The following CACNA1B variants were observed in gnomAD, a reference collection of about 807,000 sequenced individuals.
The protein encoded by CACNA1B is voltage-dependent N-type calcium channel subunit alpha-1B.
A neutral mutation model predicts 247.2 loss-of-function variants in CACNA1B; 70 were observed. That is an observed-to-expected ratio of 0.28 (90% CI 0.23 to 0.35). The LOEUF is 0.35. Among genes scored for constraint, CACNA1B ranks in the 10% least tolerant of loss-of-function variants. The pLI, the probability that CACNA1B is intolerant of heterozygous loss-of-function variation, is 1.00. For synonymous variants in CACNA1B, 1,231 were observed against 1,294.4 expected, an observed-to-expected ratio of 0.95 and a Z score of 1.05; for missense variants, 2,367 against 3,197.4, an observed-to-expected ratio of 0.74 and a Z score of 6.26.
In CACNA1B at chr9:138,122,102, C is replaced by T. The variant is rs935702918; in HGVS notation, c.*103C>T. ...AGCCGGCCCTCGGGGGAGGCCTTGC[C>T]CACCTTGGTGAGGCTCCTGTGGCCC... On this transcript the variant is annotated 3_prime_UTR_variant, in exon 47 of 47. Transcript: ENST00000371372. The T allele has an allele frequency of 9.1e-7, 1 of 1,104,642 alleles. No individual in the cohort carries two copies. Among genetic ancestry groups the T allele is most frequent in the African/African-American group, 1.6e-5 (1 of 63,798 alleles). The allele number at this position is 1,104,642 out of a possible 1,614,324, so 68.4% of individuals were successfully genotyped here.
intron 31 of CACNA1B, among the ~76,000 whole-genome samples, chr9:138,061,462 C>T (rs932047152): frequency 3.3e-5 from 5 of 152,198 alleles, no homozygotes; most frequent in East Asian, 3.8e-4. Flanking sequence ...CCAGTACCAT[C>T]GATTGGCCGT....
intron 6 of CACNA1B, among the ~76,000 whole-genome samples, chr9:137,947,017 G>A (rs1957804841): frequency 6.6e-6 from 1 of 152,212 alleles, no homozygotes; most frequent in Admixed American, 6.5e-5. Flanking sequence ...CAGAGTGGGA[G>A]TGGGCTCAAA....
At chr9:138,101,726 A>G (rs1251559697) in intron 37 of CACNA1B, among the ~76,000 whole-genome samples, 6 of 152,200 alleles carry the variant, frequency 3.9e-5, no homozygotes, top group Non-Finnish European at 7.4e-5. Context: ...CAGCTCAGCC[A>G]AGGAGCCCCT....
At chr9:138,017,170 C>T (rs765842519) in intron 18 of CACNA1B, 20 of 518,968 alleles carry the variant, frequency 3.9e-5, no homozygotes, top group Non-Finnish European at 6.5e-5. Context: ...TACTGTATCT[C>T]GCAGCTCATC....
Position 138,059,786 on chromosome 9 carries a change from C to G in CACNA1B, c.4668+49C>G. 1 of 1,045,534 alleles carries G rather than the reference C, an allele frequency of 9.6e-7. No individual in the cohort carries two copies. Among genetic ancestry groups the G allele is most frequent in the Non-Finnish European group, 1.5e-6 (1 of 663,186 alleles). 64.8% of individuals were successfully genotyped at this position (1,045,534 alleles called of 1,614,324 possible). A position where few individuals can be genotyped will look rare whatever the true frequency, so the allele number is the denominator to read the frequency against. ...TTCAGGGTCCCCAGGTGGTTTCCTT[C>G]TAGAGCCTGCTCCCCTCAGTGCATC... On this transcript the variant is annotated intron_variant, in intron 31 of 46. Coordinates refer to ENST00000371372, the MANE Select transcript of CACNA1B (RefSeq NM_000718.4). The surrounding 1 kb of genome is among the most constrained non-coding windows in gnomAD (Gnocchi z 4.2).
At chr9:138,104,508 A>G (rs1420332313) in intron 38 of CACNA1B, among the ~76,000 whole-genome samples, 1 of 152,236 alleles carries the variant, frequency 6.6e-6, no homozygotes, top group Non-Finnish European at 1.5e-5. Context: ...CATGCTGTGC[A>G]AAGCCCTGGG....
chr9:138,114,239 C>A, intron 40 of CACNA1B, 139 bp from the exon 41 acceptor site: 1 of 605,224 alleles, frequency 1.7e-6, no homozygotes. Context: ...TGCCTGAGAG[C>A]CCTCTGTCCC....
Position 138,120,705 on chromosome 9 carries a change from C to A in CACNA1B, c.6313C>A (p.Arg2105=). The A allele has an allele frequency of 6.6e-7, 1 of 1,520,806 alleles. No homozygotes were observed. Among genetic ancestry groups the A allele is most frequent in the Non-Finnish European group, 8.8e-7 (1 of 1,138,622 alleles). 94.2% of individuals were successfully genotyped at this position (1,520,806 alleles called of 1,614,324 possible). ...PTGCRRERER[R]QERGRSQERR... ...AGGCTGCCGGCGGGAACGAGAGCGC[C>A]GGCAGGAGCGGGGCCGGTCCCAGGA... is the stretch of plus-strand genomic sequence containing the variant. The change falls in exon 46 of 47, where the codon CGG becomes AGG. Residue 2105 remains arginine (R), a synonymous_variant. Transcript: ENST00000371372.
chr9:138,058,480 G>A lies in CACNA1B; in HGVS notation c.4309-89G>A. ...GTCTTCTGTTGTCAGGGCTCCCTGT[G>A]AGGCCTGGCGAGACAGGGCTGGGTG... On this transcript the variant is annotated intron_variant, in intron 28 of 46. Coordinates refer to ENST00000371372, the MANE Select transcript of CACNA1B (RefSeq NM_000718.4). The surrounding 1 kb of genome is among the most constrained non-coding windows in gnomAD (Gnocchi z 4.7). 1 of 1,237,684 alleles carries A rather than the reference G, an allele frequency of 8.1e-7. No individual in the cohort carries two copies. Among genetic ancestry groups the A allele is most frequent in the Non-Finnish European group, 1.1e-6 (1 of 882,726 alleles). The allele number at this position is 1,237,684 out of a possible 1,614,324, so 76.7% of individuals were successfully genotyped here.
intron 36 of CACNA1B, among the ~76,000 whole-genome samples, chr9:138,080,628 G>A (rs1960495038): frequency 6.6e-6 from 1 of 152,146 alleles, no homozygotes; most frequent in Non-Finnish European, 1.5e-5. Flanking sequence ...AATAGAAGTG[G>A]AGACAAAAAC....
At chr9:137,926,658 G>T (rs1428319028) in intron 6 of CACNA1B, among the ~76,000 whole-genome samples, 2 of 152,158 alleles carry the variant, frequency 1.3e-5, no homozygotes, top group Non-Finnish European at 2.9e-5. Flanking sequence ...CTTTTGGTGG[G>T]AATACACATG....
chr9:138,030,796 C>G (rs551444374), intron 20 of CACNA1B, among the ~76,000 whole-genome samples: 9 of 152,182 alleles, frequency 5.9e-5, no homozygotes, highest in African/African-American at 2.2e-4. Flanking sequence ...GTAGTTTGTG[C>G]TTTATGAGGA....
chr9:138,066,711 A>G (rs1959930864), intron 31 of CACNA1B, among the ~76,000 whole-genome samples: 1 of 152,264 alleles, frequency 6.6e-6, no homozygotes, highest in South Asian at 2.1e-4. Context: ...AAAATACTGT[A>G]TATTAAAGCT....
At chr9:138,019,986 A>C (rs1370447282) in intron 18 of CACNA1B, among the ~76,000 whole-genome samples, 1 of 150,644 alleles carries the variant, frequency 6.6e-6, no homozygotes, top group Non-Finnish European at 1.5e-5. Flanking sequence ...AGTCCCAGCT[A>C]CTCGGTAGGC....
intron 18 of CACNA1B, among the ~76,000 whole-genome samples, chr9:138,021,878 C>A (rs749289117): frequency 6.6e-6 from 1 of 152,218 alleles, no homozygotes; most frequent in Non-Finnish European, 1.5e-5. Flanking sequence ...TCACTGCTGC[C>A]GCCAAGGCCA....
intron 21 of CACNA1B, among the ~76,000 whole-genome samples, chr9:138,046,686 C>T (rs1332741141): frequency 2.6e-5 from 4 of 152,244 alleles, no homozygotes; most frequent in African/African-American, 7.2e-5. Context: ...GCCTTCCCCA[C>T]CCCCCGTCCC....
At chr9:138,008,718 C>T (rs1165770106) in intron 16 of CACNA1B, among the ~76,000 whole-genome samples, 1 of 152,178 alleles carries the variant, frequency 6.6e-6, no homozygotes, top group Non-Finnish European at 1.5e-5. Flanking sequence ...TGTGGTGAAA[C>T]GGGCTGGATC....
chr9:138,004,909 C>T (rs1051500618), intron 15 of CACNA1B, among the ~76,000 whole-genome samples: 1 of 152,158 alleles, frequency 6.6e-6, no homozygotes, highest in Non-Finnish European at 1.5e-5. Context: ...AATCATCAGG[C>T]GAAGACAAAT....
chr9:137,928,759 C>T (rs1045106529), intron 6 of CACNA1B, among the ~76,000 whole-genome samples: 10 of 152,116 alleles, frequency 6.6e-5, no homozygotes, highest in Non-Finnish European at 1.3e-4. Context: ...AAAAAAGAAG[C>T]CCTGTATCCA....
Sources: gnomAD v4.1 joint callset for allele counts (sites outside exome capture counted in the v4.1 genomes callset) on GRCh38, gnomAD v4.1.1 for gene constraint, Gnocchi (gnomAD v3.1) non-coding constraint, MANE v1.5 for transcripts, NCBI Gene and HGNC (gene_info 2026-07-23, HGNC 2026-07-21) for gene names.